Variants in RNF213 observed in about 807,000 individuals in gnomAD.
RNF213 encodes ring finger protein 213.
Under a neutral mutation model 514.4 loss-of-function variants are expected in RNF213, and 341 were observed. That is an observed-to-expected ratio of 0.66 (90% confidence interval 0.61 to 0.73). RNF213 has a LOEUF of 0.73. Ranked by LOEUF, RNF213 falls within the 30% of genes least tolerant of loss-of-function variation. RNF213 has a pLI of 0.00. For missense variants in RNF213, 5,767 were observed against 6,615.6 expected, an observed-to-expected ratio of 0.87 and a Z score of 4.45; for synonymous variants, 2,655 against 2,658.2, an observed-to-expected ratio of 1.00 and a Z score of 0.04.
At chr17:80,296,762 G>A (rs2044965297) in intron 10 of RNF213, among the ~76,000 whole-genome samples, 1 of 152,132 alleles carries the variant, frequency 6.6e-6, no homozygotes, top group Non-Finnish European at 1.5e-5. Context: ...GCTCACTGCA[G>A]CTTCAGCCTC....
chr17:80,343,422 C>CA lies in RNF213; in HGVS notation c.6183+97_6183+98insA. ...TCCCCGTGTATAGAATTCCTTGTTTCCACACGCACAGTCCTGTGAAGCTTA... is the reference window on the plus strand; with the variant it reads ...TCCCCGTGTATAGAATTCCTTGTTTCACACACGCACAGTCCTGTGAAGCTTA... On this transcript the variant is annotated intron_variant, in intron 27 of 67. Coordinates refer to ENST00000582970, the MANE Select transcript of RNF213 (RefSeq NM_001256071.3). This position sits in a 1 kb window ranked among gnomAD's most constrained non-coding sequence, Gnocchi z 4.3. The CA allele has an allele frequency of 9.3e-7, 1 of 1,071,170 alleles. No homozygotes were observed. The highest frequency in any genetic ancestry group is 1.4e-6 in the Non-Finnish European group (1 of 713,306). The allele number at this position is 1,071,170 out of a possible 1,614,324, so 66.4% of individuals were successfully genotyped here. A position where few individuals can be genotyped will look rare whatever the true frequency, so the allele number is the denominator to read the frequency against.
Position 80,369,554 on chromosome 17 carries a change from G to A in RNF213, c.12208G>A (p.Val4070Ile), listed in dbSNP as rs148968472. 41 of 1,614,200 alleles carry A rather than the reference G, an allele frequency of 2.5e-5. No individual in the cohort carries two copies. The highest frequency in any genetic ancestry group is 1.2e-4 in the African/African-American group (9 of 75,058). ...CCGGCAGATGTGCAACAGTTTCTTCGTAGACCTGGTGTCCACCATTTGCTT... is the reference window on the plus strand; with the variant it reads ...CCGGCAGATGTGCAACAGTTTCTTCATAGACCTGGTGTCCACCATTTGCTT... Reference protein sequence around the residue: ...RFRQMCNSFFVDLVSTICFKD... With the variant: ...RFRQMCNSFFIDLVSTICFKD... Residue 4070 changes from valine to isoleucine, a missense_variant, in exon 45 of 68, where the codon GTA becomes ATA. Around this residue, in one of 13 missense-constraint regions of RNF213, gnomAD observed 93 missense variants for 95.6 expected, o/e 0.97. Transcript: ENST00000582970.
At chr17:80,365,348 C>G (rs769613342) in intron 42 of RNF213, 3 of 152,532 alleles carry the variant, frequency 2.0e-5, no homozygotes, top group Non-Finnish European at 4.4e-5. Context: ...ACAGTATCAG[C>G]TGATTTCCCA....
At chr17:80,267,104 C>T (rs1038751228) in intron 2 of RNF213, among the ~76,000 whole-genome samples, 1 of 151,986 alleles carries the variant, frequency 6.6e-6, no homozygotes, top group Non-Finnish European at 1.5e-5. Context: ...GTAATCCCAG[C>T]TTCTTGGGAG....
intron 22 of RNF213, among the ~76,000 whole-genome samples, chr17:80,335,269 C>T (rs570449700): frequency 7.6e-4 from 115 of 152,166 alleles, no homozygotes; most frequent in Middle Eastern, 6.8e-3. Context: ...TGATGCTGTG[C>T]GTTTCTTGGC....
Position 80,317,234 on chromosome 17 carries a change from G to C in RNF213, c.2858G>C (p.Trp953Ser), listed in dbSNP as rs1369882805. 6.2e-7 allele frequency: 1 copy of C among 1,612,808 alleles called. No homozygotes were observed. The highest frequency in any genetic ancestry group is 8.5e-7 in the Non-Finnish European group (1 of 1,179,870). ...ATCCAATTCCCCGCGGAGCATGGCT[G>C]GAAGGAGTCGTTGCTGGGAGACATG... ...VEIQFPAEHGWKESLLGDMEW... is the reference protein window; with the variant it reads ...VEIQFPAEHGSKESLLGDMEW... The change falls in exon 16 of 68, where the codon TGG becomes TCG. Residue 953 changes from tryptophan (W) to serine (S), a missense_variant. This residue lies in a region of RNF213 where 4 missense variants were observed against 19.1 expected (regional missense o/e 0.21). Transcript: ENST00000582970. The surrounding 1 kb of genome is among the most constrained non-coding windows in gnomAD (Gnocchi z 4.1).
In RNF213 at chr17:80,295,625, C is replaced by T. The variant is rs1466110218; in HGVS notation, c.1824C>T (p.Asp608=). ...VVPLPDGKST[D]FLPVDCPVRS... The stretch of plus-strand genomic sequence containing the variant: ...CATTGCCGGACGGAAAAAGCACGGA[C>T]TTTTTGCCTGTGGACTGCCCAGTGA... The change falls in exon 10 of 68, where the codon GAC becomes GAT. Residue 608 remains aspartate, a synonymous_variant. Transcript: ENST00000582970. The T allele has an allele frequency of 6.2e-7, 1 of 1,614,140 alleles. No homozygotes were observed. Among genetic ancestry groups the T allele is most frequent in the Non-Finnish European group, 8.5e-7 (1 of 1,180,008 alleles).
chr17:80,261,254 G>A (rs1265579077), intron 1 of RNF213, among the ~76,000 whole-genome samples: 1 of 152,184 alleles, frequency 6.6e-6, no homozygotes, highest in Non-Finnish European at 1.5e-5. Context: ...AGTGGAAGGG[G>A]ACAGCCGGAC....
rs2078437629 is a variant in RNF213, at chr17:80,349,778, T to C, written c.9960T>C (p.Thr3320=). The C allele has an allele frequency of 8.1e-6, 13 of 1,614,196 alleles. No individual in the cohort carries two copies. The highest frequency in any genetic ancestry group is 1.1e-5 in the Non-Finnish European group (13 of 1,180,014). The change falls in exon 30 of 68, where the codon ACT becomes ACC. Residue 3320 remains threonine (T), a synonymous_variant. Transcript: ENST00000582970. ...ERHAIFTEIT[T]FSRLLTSHDC... ...ATTTCTTAACTCTGTAGATCACCAC[T>C]TTCTCCAGGCTGCTAACAAGTCACG...
rs1257976035 is a variant in RNF213, at chr17:80,290,689, C to G, written c.1232C>G (p.Ser411Ter). Reference sequence around the variant, plus strand: ...AGAGGAGGAGAAGAATTTGGGGAGTCAAAATGGGACAGCAATATCTGTGAG... The same window carrying G: ...AGAGGAGGAGAAGAATTTGGGGAGTGAAAATGGGACAGCAATATCTGTGAG... ...FIRGGEEFGE[S>*]KWDSNICELH... The change falls in exon 7 of 68, where the codon TCA becomes TGA. Residue 411 changes from serine to a stop codon, truncating the protein, a stop_gained. Coordinates refer to ENST00000582970, the MANE Select transcript of RNF213 (RefSeq NM_001256071.3). LOFTEE classifies it high-confidence loss of function. The G allele has an allele frequency of 1.2e-6, 2 of 1,614,110 alleles. No homozygotes were observed. The highest frequency in any genetic ancestry group is 1.7e-6 in the Non-Finnish European group (2 of 1,180,022).
intron 3 of RNF213, among the ~76,000 whole-genome samples, chr17:80,279,667 C>G (rs1352730030): frequency 6.6e-6 from 1 of 151,904 alleles, no homozygotes; most frequent in Non-Finnish European, 1.5e-5. Flanking sequence ...CGGGGTTTCA[C>G]CATGTTGGCC....
At chr17:80,391,990 T>C (rs1232035189) in intron 67 of RNF213, among the ~76,000 whole-genome samples, 2 of 151,698 alleles carry the variant, frequency 1.3e-5, no homozygotes, top group African/African-American at 2.4e-5. Context: ...CTGGTCTCGA[T>C]CTCCTGACCT....
In RNF213 at chr17:80,369,085, A is replaced by ACTTGAAT. The variant is rs576581384; in HGVS notation, c.12156-413_12156-407dup. 4.6e-5 allele frequency among the ~76,000 whole-genome samples: 7 copies of ACTTGAAT among 152,294 alleles called. No individual in the cohort carries two copies. The South Asian group carries it at 1.4e-3, about 32-fold the overall frequency. On this transcript the variant is annotated intron_variant, in intron 44 of 67. Transcript: ENST00000582970. ...CTAGCTCTAACGGGTGAGAGGAGTGACTTGAATCTTTCAATTTAAAAGTAA... is the reference window on the plus strand; with the variant it reads ...CTAGCTCTAACGGGTGAGAGGAGTGACTTGAATCTTGAATCTTTCAATTTAAAAGTAA...
intron 13 of RNF213, among the ~76,000 whole-genome samples, chr17:80,307,832 G>A (rs553549258): frequency 1.3e-5 from 2 of 150,166 alleles, no homozygotes; most frequent in Non-Finnish European, 3.0e-5. Flanking sequence ...TTACAGGCGT[G>A]AGCCACCATG....
chr17:80,350,986 ATATTTT>A (rs2078488659), intron 31 of RNF213, among the ~76,000 whole-genome samples: 1 of 152,190 alleles, frequency 6.6e-6, no homozygotes. Context: ...TATTTATTGG[ATATTTT>A]TATAGTGTTT....
intron 18 of RNF213, among the ~76,000 whole-genome samples, chr17:80,326,325 TG>T (rs1020626984): frequency 3.3e-5 from 5 of 152,158 alleles, no homozygotes; most frequent in African/African-American, 1.2e-4. Flanking sequence ...TAGAGCACTT[TG>T]ATGTGTACAG....
intron 11 of RNF213, among the ~76,000 whole-genome samples, chr17:80,304,113 G>T (rs2045276318): frequency 6.6e-6 from 1 of 151,864 alleles, no homozygotes; most frequent in African/African-American, 2.4e-5. Flanking sequence ...TGAAAAGTCT[G>T]CAGTAGCATT....
chr17:80,369,789 C>G lies in RNF213; in HGVS notation c.12347C>G (p.Ser4116Cys). 1 of 1,613,532 alleles carries G rather than the reference C, an allele frequency of 6.2e-7. No individual in the cohort carries two copies. The highest frequency in any genetic ancestry group is 8.5e-7 in the Non-Finnish European group (1 of 1,179,462). ...TAAGGACACTGTGAACACACAAAATCTCTCTCTCCATTCAATGATGTTGTG... is the reference window on the plus strand; with the variant it reads ...TAAGGACACTGTGAACACACAAAATGTCTCTCTCCATTCAATGATGTTGTG... ...AAQRHCEHTK[S>C]LSPFNDVVDK... Residue 4116 changes from serine (S) to cysteine (C), a missense_variant, in exon 46 of 68, where the codon TCT becomes TGT. By Grantham distance (112) the Ser-to-Cys change is moderately radical (BLOSUM62 -1). Transcript: ENST00000582970.
chr17:80,294,466 A>G (rs554521486), intron 8 of RNF213, among the ~76,000 whole-genome samples: 7 of 152,238 alleles, frequency 4.6e-5, no homozygotes, highest in Non-Finnish European at 1.0e-4. Flanking sequence ...GCTGCATCCC[A>G]TGACCCTGGG....
Sources: allele counts gnomAD v4.1 joint callset (sites outside exome capture counted in the v4.1 genomes callset), GRCh38; gene constraint gnomAD v4.1.1; regional missense constraint gnomAD v4.1.1; non-coding constraint Gnocchi (gnomAD v3.1); transcripts MANE v1.5; gene names NCBI Gene and HGNC (gene_info 2026-07-23, HGNC 2026-07-21).